SH3KBP1: variants seen among roughly 807,000 people sequenced by gnomAD.
SH3KBP1 encodes the protein SH3 domain containing kinase binding protein 1.
SH3KBP1 carries 8 observed loss-of-function variants against 50.1 expected under a neutral mutation model. The ratio of observed to expected loss-of-function variants is 0.16; its 90% CI spans 0.09 to 0.29. The LOEUF is 0.29. Among genes scored for constraint, SH3KBP1 ranks in the 10% least tolerant of loss-of-function variants. The probability of loss-of-function intolerance (pLI) is 1.00; values close to 1 mark genes in which losing one functional copy is unlikely to be tolerated. For synonymous variants in SH3KBP1, 227 were observed against 218.6 expected, an observed-to-expected ratio of 1.04 and a Z score of -0.34; for missense variants, 377 against 535.2, an observed-to-expected ratio of 0.70 and a Z score of 2.92.
Position 19,872,833 on chromosome X carries a change from T to A in SH3KBP1, c.4+14474A>T, listed in dbSNP as rs200330178. Among the ~76,000 whole-genome samples the A allele has an allele frequency of 8.2e-3, 787 of 96,453 alleles. 5 individuals carry two copies. Among genetic ancestry groups the A allele is most frequent in the Middle Eastern group, 0.02 (4 of 201 alleles). The allele number at this position is 96,453 out of a possible 115,157, so 83.8% of individuals were successfully genotyped here. On this transcript the variant is annotated intron_variant, in intron 1 of 17. Transcript: ENST00000397821. ...TCTCTTCTCTCTCTCTCTCTCTCTC[T>A]CACACACACACACACACACACACAC...
At chrX:19,611,941 C>T (rs1157599054) in intron 8 of SH3KBP1, among the ~76,000 whole-genome samples, 1 of 78,899 alleles carries the variant, frequency 1.3e-5, no homozygotes, top group African/African-American at 5.5e-5. Flanking sequence ...TGATTTAGTG[C>T]TACTAGCAGA....
chrX:19,830,369 G>A (rs1428383095), intron 2 of SH3KBP1, among the ~76,000 whole-genome samples: 2 of 110,164 alleles, frequency 1.8e-5, no homozygotes, highest in Non-Finnish European at 3.8e-5. Context: ...TCAAGCCATA[G>A]ACATATGACT....
chrX:19,886,694 C>T (rs1225930029), intron 1 of SH3KBP1, among the ~76,000 whole-genome samples: 2 of 111,293 alleles, frequency 1.8e-5, no homozygotes, highest in Non-Finnish European at 3.8e-5. Context: ...TGGAGGAAGG[C>T]AGCAGCGAAA....
At chrX:19,674,571 A>G (rs1173619155) in intron 6 of SH3KBP1, among the ~76,000 whole-genome samples, 4 of 112,220 alleles carry the variant, frequency 3.6e-5, no homozygotes, top group African/African-American at 1.3e-4. Flanking sequence ...CAGTATCTTC[A>G]TTCATCCAGT....
intron 6 of SH3KBP1, among the ~76,000 whole-genome samples, chrX:19,668,935 A>AATATATATATATATATATAT (rs56844238): frequency 3.3e-4 from 11 of 32,870 alleles, no homozygotes; most frequent in Admixed American, 9.8e-4. Context: ...GATTGAGGGT[A>AATATATATATATATATATAT]ATATATATAT....
chrX:19,849,734 T>C (rs1365445977), intron 1 of SH3KBP1, among the ~76,000 whole-genome samples: 1 of 105,023 alleles, frequency 9.5e-6, no homozygotes, highest in African/African-American at 3.5e-5. Flanking sequence ...AGTTAGAAAG[T>C]ACAGACCTTC....
intron 6 of SH3KBP1, among the ~76,000 whole-genome samples, chrX:19,672,242 G>A (rs2062815399): frequency 8.9e-6 from 1 of 111,929 alleles, no homozygotes; most frequent in African/African-American, 3.3e-5. Flanking sequence ...CTAGGACGGA[G>A]GAGAATAAAC....
chrX:19,610,233 A>G (rs2067371402), intron 8 of SH3KBP1, among the ~76,000 whole-genome samples: 2 of 112,033 alleles, frequency 1.8e-5, no homozygotes, highest in African/African-American at 6.5e-5. Flanking sequence ...GTCCAAGTAG[A>G]TAGTCTGGTC....
At chrX:19,721,276 A>G (rs765009708) in intron 3 of SH3KBP1, among the ~76,000 whole-genome samples, 1 of 111,507 alleles carries the variant, frequency 9.0e-6, no homozygotes, top group South Asian at 3.7e-4. Flanking sequence ...TGGGAAGAAA[A>G]ATACATCTTT....
chrX:19,709,062 AC>A (rs2063718369), intron 3 of SH3KBP1, among the ~76,000 whole-genome samples: 1 of 112,257 alleles, frequency 8.9e-6, no homozygotes, highest in South Asian at 3.7e-4. Flanking sequence ...GAAAAGACTA[AC>A]CCAATGGATG....
chrX:19,857,263 A>G (rs1405493433), intron 1 of SH3KBP1, among the ~76,000 whole-genome samples: 1 of 110,324 alleles, frequency 9.1e-6, no homozygotes, highest in Non-Finnish European at 1.9e-5. Context: ...GAGAGGAAGT[A>G]TAACTATAAA....
At chrX:19,668,935 A>AATAT (rs56844238) in intron 6 of SH3KBP1, among the ~76,000 whole-genome samples, 1,089 of 32,696 alleles carry the variant, frequency 0.033, 25 homozygotes, top group Middle Eastern at 0.065. Flanking sequence ...GATTGAGGGT[A>AATAT]ATATATATAT....
intron 2 of SH3KBP1, among the ~76,000 whole-genome samples, chrX:19,790,311 C>T (rs913109308): frequency 1.8e-5 from 2 of 111,551 alleles, no homozygotes; most frequent in African/African-American, 6.5e-5. Context: ...TAAAAGATGG[C>T]ACCCTGCTGT....
At chrX:19,677,498 A>G (rs937945754) in intron 6 of SH3KBP1, among the ~76,000 whole-genome samples, 3 of 111,308 alleles carry the variant, frequency 2.7e-5, no homozygotes, top group Non-Finnish European at 5.7e-5. Context: ...TTCTCTCCCA[A>G]TCACCAGACT....
chrX:19,688,862 G>T (rs1282599112), intron 5 of SH3KBP1, among the ~76,000 whole-genome samples: 3 of 111,779 alleles, frequency 2.7e-5, no homozygotes, highest in Non-Finnish European at 3.8e-5. Flanking sequence ...AGAGAAGCAG[G>T]GAGTAGAACT....
chrX:19,707,065 G>T, intron 3 of SH3KBP1, 81 bp from the exon 4 acceptor site: 1 of 814,531 alleles, frequency 1.2e-6, no homozygotes, highest in Non-Finnish European at 1.9e-6. Flanking sequence ...AGGCATGCAG[G>T]CAAATTAAGC....
chrX:19,703,581 T>C (rs1203071349), intron 4 of SH3KBP1, among the ~76,000 whole-genome samples: 1 of 111,557 alleles, frequency 9.0e-6, no homozygotes, highest in Non-Finnish European at 1.9e-5. Context: ...AAATTAGATA[T>C]TAAGGCAGAT....
At chrX:19,551,157 G>C (rs2065227299) in intron 13 of SH3KBP1, among the ~76,000 whole-genome samples, 1 of 111,888 alleles carries the variant, frequency 8.9e-6, no homozygotes, top group Non-Finnish European at 1.9e-5. Context: ...ACAAGTCACT[G>C]GTCAGGAGAA....
chrX:19,640,826 G>A (rs902593698), intron 7 of SH3KBP1, among the ~76,000 whole-genome samples: 6 of 111,804 alleles, frequency 5.4e-5, no homozygotes, highest in African/African-American at 1.6e-4. Context: ...CCAATCAGAT[G>A]TTTGCATAGA....
Sources: allele counts gnomAD v4.1 joint callset (sites outside exome capture counted in the v4.1 genomes callset), GRCh38; gene constraint gnomAD v4.1.1; transcripts MANE v1.5; gene names NCBI Gene and HGNC (gene_info 2026-07-23, HGNC 2026-07-21).